Variants in GLRA3 observed in about 807,000 individuals in gnomAD.
GLRA3 encodes the protein glycine receptor subunit alpha-3.
GLRA3 carries 44 observed loss-of-function variants against 60.4 expected under a neutral mutation model. The observed-to-expected ratio is 0.73, with a 90% CI of 0.57 to 0.94. The LOEUF (loss-of-function observed/expected upper bound fraction) is 0.94. GLRA3 is among the 40% of genes least tolerant of loss of function. The probability of loss-of-function intolerance (pLI) is 0.00; values close to 1 mark genes in which losing one functional copy is unlikely to be tolerated. For synonymous variants in GLRA3, 223 were observed against 192.9 expected (o/e 1.16, Z -1.29); for missense variants, 508 against 564.6 (o/e 0.90, Z 1.02).
intron 7 of GLRA3, among the ~76,000 whole-genome samples, chr4:174,669,594 G>A (rs1186939697): frequency 6.6e-6 from 1 of 152,006 alleles, no homozygotes; most frequent in African/African-American, 2.4e-5. Context: ...TTTTGTTTTT[G>A]TGAAAGGGTT....
At chr4:174,662,577 C>T (rs1388799630) in intron 7 of GLRA3, among the ~76,000 whole-genome samples, 3 of 152,074 alleles carry the variant, frequency 2.0e-5, no homozygotes, top group African/African-American at 7.2e-5. Flanking sequence ...TTTTATGAAA[C>T]GTTAGCCTGT....
chr4:174,648,034 A>G (rs1241295504), intron 9 of GLRA3, among the ~76,000 whole-genome samples: 1 of 152,198 alleles, frequency 6.6e-6, no homozygotes, highest in Non-Finnish European at 1.5e-5. Context: ...ATATTTTTGG[A>G]TGCAGTAGTG....
intron 1 of GLRA3, among the ~76,000 whole-genome samples, chr4:174,812,705 A>G (rs1249798210): frequency 6.6e-6 from 1 of 152,182 alleles, no homozygotes; most frequent in Admixed American, 6.5e-5. Flanking sequence ...AAAGTAAGAG[A>G]GAGCAAAGTT....
intron 9 of GLRA3, among the ~76,000 whole-genome samples, chr4:174,654,403 A>G (rs1733123340): frequency 6.6e-6 from 1 of 152,210 alleles, no homozygotes; most frequent in South Asian, 2.1e-4. Context: ...AATGCAGTCA[A>G]TGATATCTTT....
At chr4:174,681,062 C>T (rs748288058) in intron 6 of GLRA3, among the ~76,000 whole-genome samples, 1 of 152,136 alleles carries the variant, frequency 6.6e-6, no homozygotes, top group Non-Finnish European at 1.5e-5. Flanking sequence ...ATAATTTGGG[C>T]ACGTTATTTT....
At chr4:174,758,043 G>GT (rs1737788433) in intron 3 of GLRA3, among the ~76,000 whole-genome samples, 1 of 151,980 alleles carries the variant, frequency 6.6e-6, no homozygotes, top group African/African-American at 2.4e-5. Context: ...CTCTCGTCCT[G>GT]TAATCTCCTC....
At chr4:174,712,452 A>T (rs765312391) in intron 5 of GLRA3, 1 of 152,142 alleles carries the variant, frequency 6.6e-6, no homozygotes, top group Non-Finnish European at 1.5e-5. Context: ...TAGGTATTTG[A>T]TAAATATTTT....
chr4:174,824,834 C>CT (rs1417263019), intron 1 of GLRA3, among the ~76,000 whole-genome samples: 1 of 152,054 alleles, frequency 6.6e-6, no homozygotes, highest in Admixed American at 6.6e-5. Context: ...ATTCTAGACT[C>CT]TAAGTTGCTA....
chr4:174,754,851 G>A (rs4695960), intron 3 of GLRA3, among the ~76,000 whole-genome samples: 143,956 of 152,192 alleles, frequency 0.95, 68,588 homozygotes, highest in East Asian at 1. Context: ...ATAAATAGGA[G>A]CTCTAATTTC....
chr4:174,802,664 G>A (rs1428105157), intron 1 of GLRA3, among the ~76,000 whole-genome samples: 2 of 151,962 alleles, frequency 1.3e-5, no homozygotes, highest in Non-Finnish European at 2.9e-5. Context: ...CTTTCTGTGA[G>A]GTGAGCAATG....
intron 3 of GLRA3, among the ~76,000 whole-genome samples, chr4:174,729,724 A>G (rs1736481433): frequency 6.6e-6 from 1 of 152,194 alleles, no homozygotes; most frequent in Admixed American, 6.5e-5. Flanking sequence ...TTAAATATAG[A>G]CCTCATTGTA....
At chr4:174,753,417 A>G (rs1270245576) in intron 3 of GLRA3, among the ~76,000 whole-genome samples, 1 of 152,186 alleles carries the variant, frequency 6.6e-6, no homozygotes, top group Non-Finnish European at 1.5e-5. Flanking sequence ...ACACTAATTG[A>G]CATGCTAGAT....
At chr4:174,655,958 C>T (rs746917806) in intron 9 of GLRA3, among the ~76,000 whole-genome samples, 3 of 152,082 alleles carry the variant, frequency 2.0e-5, no homozygotes, top group African/African-American at 4.8e-5. Flanking sequence ...ACAATAGAAT[C>T]ATCTGGAGAA....
rs578131660 is a variant in GLRA3 at position 174,776,460 on chromosome 4, C to T, written c.200-9430G>A. ...ACAATATAAATAAACATAATTTATCCTGCAGGAAGAAGCAACAAATCATTG... is the reference window on the plus strand; with the variant it reads ...ACAATATAAATAAACATAATTTATCTTGCAGGAAGAAGCAACAAATCATTG... On this transcript the variant is annotated intron_variant, in intron 2 of 9. Coordinates refer to ENST00000274093, the MANE Select transcript of GLRA3 (RefSeq NM_006529.4). Among the ~76,000 whole-genome samples the T allele has an allele frequency of 7.2e-5, 11 of 151,892 alleles. No homozygotes were observed. In the South Asian group the frequency reaches 2.3e-3, roughly 32 times the overall value.
intron 1 of GLRA3, among the ~76,000 whole-genome samples, chr4:174,817,164 C>G (rs74543212): frequency 0.016 from 2,400 of 152,274 alleles, 17 homozygotes; most frequent in Non-Finnish European, 0.025. Flanking sequence ...GCCACAGAGG[C>G]ACACAAGCCT....
At chr4:174,646,074 G>A (rs1732801069) in intron 9 of GLRA3, among the ~76,000 whole-genome samples, 1 of 152,152 alleles carries the variant, frequency 6.6e-6, no homozygotes. Flanking sequence ...CTATCTCAAA[G>A]TAAGACAAAA....
chr4:174,806,329 AT>A (rs1740051045), intron 1 of GLRA3, among the ~76,000 whole-genome samples: 1 of 152,148 alleles, frequency 6.6e-6, no homozygotes, highest in Admixed American at 6.6e-5. Flanking sequence ...AAACAACAAA[AT>A]TTCAACATTC....
At chr4:174,658,970 C>A in intron 8 of GLRA3, 84 bp downstream of exon 8, 1 of 1,203,272 alleles carries the variant, frequency 8.3e-7, no homozygotes, top group Non-Finnish European at 1.2e-6. Flanking sequence ...CCAATTGCTT[C>A]TCTTTTCATC....
chr4:174,656,288 A>G (rs928464908), intron 9 of GLRA3, among the ~76,000 whole-genome samples: 12 of 152,168 alleles, frequency 7.9e-5, no homozygotes, highest in Non-Finnish European at 1.8e-4. Flanking sequence ...AATGGATTCT[A>G]AAGATACACA....
Sources: allele counts gnomAD v4.1 joint callset (sites outside exome capture counted in the v4.1 genomes callset), GRCh38; gene constraint gnomAD v4.1.1; transcripts MANE v1.5; gene names NCBI Gene and HGNC (gene_info 2026-07-23, HGNC 2026-07-21).